ITPRID1: variants seen among roughly 807,000 people sequenced by gnomAD.
The protein encoded by ITPRID1 is ITPR interacting domain containing 1, also known as protein ITPRID1.
ITPRID1 carries 96 observed loss-of-function variants against 95.4 expected under a neutral mutation model. The observed-to-expected ratio is 1.01, with a 90% CI of 0.85 to 1.19. The LOEUF (loss-of-function observed/expected upper bound fraction) is 1.19, where lower values mean the gene tolerates loss of function less well. Among genes scored for constraint, ITPRID1 ranks in the 50% most tolerant of loss-of-function variants. The probability of loss-of-function intolerance (pLI) is 0.00; values close to 1 mark genes in which losing one functional copy is unlikely to be tolerated. For missense variants in ITPRID1, 1,339 were observed against 1,252.9 expected, an observed-to-expected ratio of 1.07 and a Z score of -1.04; for synonymous variants, 510 against 453.6, an observed-to-expected ratio of 1.12 and a Z score of -1.58.
At chr7:31,549,737 C>T (rs566949861) in intron 2 of ITPRID1, among the ~76,000 whole-genome samples, 22 of 152,210 alleles carry the variant, frequency 1.4e-4, no homozygotes, top group African/African-American at 4.1e-4. Flanking sequence ...TGCTCCTTTC[C>T]CAAGTAACCA....
intron 12 of ITPRID1, among the ~76,000 whole-genome samples, chr7:31,645,586 C>T (rs1018133242): frequency 1.2e-4 from 18 of 152,100 alleles, no homozygotes; most frequent in Non-Finnish European, 2.4e-4. Flanking sequence ...TCGTCATCAC[C>T]ATAACCATCA....
intron 9 of ITPRID1, among the ~76,000 whole-genome samples, chr7:31,579,415 T>C (rs940115085): frequency 6.6e-6 from 1 of 152,230 alleles, no homozygotes; most frequent in African/African-American, 2.4e-5. Context: ...GAGCCCTCTA[T>C]GTGGCAGGCA....
intron 1 of ITPRID1, among the ~76,000 whole-genome samples, chr7:31,548,551 T>TA (rs1478011730): frequency 6.6e-6 from 1 of 151,546 alleles, no homozygotes; most frequent in Non-Finnish European, 1.5e-5. Flanking sequence ...AATGAAGGGG[T>TA]ATTGGTAGGT....
In ITPRID1 at chr7:31,549,460, G is replaced by A; in HGVS notation, c.-63G>A. On this transcript the variant is annotated 5_prime_UTR_variant, in exon 2 of 15. Transcript: ENST00000615280. ...GGATAAGGACAAGAAGCAACACACA[G>A]AAGAGAAGGAAAAAGAAAGAAAACT... is the stretch of plus-strand genomic sequence containing the variant. 1 of 1,521,934 alleles carries A rather than the reference G, an allele frequency of 6.6e-7. No homozygotes were observed. Among genetic ancestry groups the A allele is most frequent in the Non-Finnish European group, 8.8e-7 (1 of 1,141,390 alleles). The allele number at this position is 1,521,934 out of a possible 1,614,324, so 94.3% of individuals were successfully genotyped here.
At chr7:31,647,989 T>C (rs1339205142) in intron 12 of ITPRID1, among the ~76,000 whole-genome samples, 1 of 152,168 alleles carries the variant, frequency 6.6e-6, no homozygotes, top group East Asian at 1.9e-4. Flanking sequence ...GGTTTGTTGG[T>C]ATAACTAAAT....
chr7:31,644,186 A>G (rs1032157617), intron 12 of ITPRID1, among the ~76,000 whole-genome samples: 1 of 152,242 alleles, frequency 6.6e-6, no homozygotes, highest in African/African-American at 2.4e-5. Flanking sequence ...TTTATCATTA[A>G]TCATCATTTT....
intron 12 of ITPRID1, 71 bp from the exon 13 acceptor site, chr7:31,651,071 G>C: frequency 2.6e-6 from 4 of 1,524,228 alleles, no homozygotes; most frequent in Non-Finnish European, 3.5e-6. Flanking sequence ...GGGAAGACAG[G>C]CTCCACCATG....
At chr7:31,528,940 G>A (rs1229003821) in intron 1 of ITPRID1, among the ~76,000 whole-genome samples, 3 of 152,156 alleles carry the variant, frequency 2.0e-5, no homozygotes, top group African/African-American at 7.2e-5. Flanking sequence ...TTATTTTTAG[G>A]TAGTGCTTTA....
At chr7:31,651,403 T>TGGTCTTGTTCTTGCTTTCTC in intron 13 of ITPRID1, 134 bp downstream of exon 13, 1 of 1,086,558 alleles carries the variant, frequency 9.2e-7, no homozygotes, top group Admixed American at 2.9e-5. Context: ...TTTGCTTTCT[T>TGGTCTTGTTCTTGCTTTCTC]GGTCTTGTTC....
At chr7:31,533,554 C>A (rs1783667956) in intron 1 of ITPRID1, among the ~76,000 whole-genome samples, 1 of 152,062 alleles carries the variant, frequency 6.6e-6, no homozygotes, top group African/African-American at 2.4e-5. Context: ...AAAGTAGATT[C>A]ATGAGTCATT....
intron 1 of ITPRID1, among the ~76,000 whole-genome samples, chr7:31,547,807 C>A (rs369544266): frequency 6.6e-6 from 1 of 151,970 alleles, no homozygotes; most frequent in South Asian, 2.1e-4. Context: ...GAAGTCCAGG[C>A]AAGAATAAAG....
chr7:31,585,742 G>A (rs1219333844), intron 10 of ITPRID1, among the ~76,000 whole-genome samples: 1 of 151,942 alleles, frequency 6.6e-6, no homozygotes, highest in Non-Finnish European at 1.5e-5. Flanking sequence ...ATCAAACCAA[G>A]CAAAATTGTA....
Position 31,643,572 on chromosome 7 carries a change from T to G in ITPRID1, c.2202T>G (p.Ser734=). The change falls in exon 12 of 15, where the codon TCT becomes TCG. Residue 734 remains serine, a synonymous_variant. Coordinates refer to ENST00000615280, the MANE Select transcript of ITPRID1 (RefSeq NM_001257967.3). ...VALGTGPRGT[S]LECTVCDPVT... is the part of the protein sequence containing the mutation. ...TGGGGACTGGTCCCAGAGGAACATC[T>G]TTAGAATGCACTGTGTGTGATCCTG... 1 of 1,614,020 alleles carries G rather than the reference T, an allele frequency of 6.2e-7. No individual in the cohort carries two copies. The highest frequency in any genetic ancestry group is 1.1e-5 in the South Asian group (1 of 91,076).
intron 1 of ITPRID1, among the ~76,000 whole-genome samples, chr7:31,519,248 T>C (rs909569106): frequency 1.3e-5 from 2 of 152,114 alleles, no homozygotes; most frequent in African/African-American, 4.8e-5. Flanking sequence ...ATAGAATGGT[T>C]GGTAAGGTAT....
At chr7:31,528,118 A>G (rs189499527) in intron 1 of ITPRID1, among the ~76,000 whole-genome samples, 20 of 152,288 alleles carry the variant, frequency 1.3e-4, no homozygotes, top group Admixed American at 7.8e-4. Context: ...GTGAGTAGGA[A>G]CTGTGTTTTG....
rs1264151680 is a variant in ITPRID1 at position 31,606,255 on chromosome 7, G to T, written c.1228+23064G>T. 2.0e-5 allele frequency among the ~76,000 whole-genome samples: 3 copies of T among 151,808 alleles called. No homozygotes were observed. The East Asian group carries it at 5.8e-4, about 29-fold the overall frequency. ...TGTGAAGAAATTATGATTCCCTAGG[G>T]GTCCAAAAATCCTGACATGCATACC... On this transcript the variant is annotated intron_variant, in intron 10 of 14. Coordinates refer to ENST00000615280, the MANE Select transcript of ITPRID1 (RefSeq NM_001257967.3).
intron 10 of ITPRID1, among the ~76,000 whole-genome samples, chr7:31,619,987 A>G (rs908634285): frequency 4.6e-5 from 7 of 152,186 alleles, no homozygotes; most frequent in African/African-American, 1.7e-4. Flanking sequence ...TCCTACGCCC[A>G]CGGAGTCTCG....
intron 3 of ITPRID1, 148 bp downstream of exon 3, chr7:31,553,335 A>G (rs554109530): frequency 2.2e-4 from 160 of 738,126 alleles, no homozygotes; most frequent in Admixed American, 7.4e-4. Context: ...GGAAACATTT[A>G]TGAAATGGGC....
chr7:31,576,150 G>C (rs936166196), intron 8 of ITPRID1, among the ~76,000 whole-genome samples: 3 of 152,168 alleles, frequency 2.0e-5, no homozygotes, highest in Non-Finnish European at 1.5e-5. Context: ...CTGATTTTGT[G>C]ATCCCTGGTG....
Sources: allele counts gnomAD v4.1 joint callset (sites outside exome capture counted in the v4.1 genomes callset), GRCh38; gene constraint gnomAD v4.1.1; transcripts MANE v1.5; gene names NCBI Gene and HGNC (gene_info 2026-07-23, HGNC 2026-07-21).